The following SLC25A25 variants were observed in gnomAD, a reference collection of about 807,000 sequenced individuals.
SLC25A25 encodes solute carrier family 25 member 25.
SLC25A25 carries 32 observed loss-of-function variants against 57.7 expected under a neutral mutation model. The observed-to-expected ratio is 0.55, with a 90% CI of 0.42 to 0.74. The LOEUF is 0.74. SLC25A25 is among the 30% of genes least tolerant of loss of function. SLC25A25 has a pLI of 0.00. For synonymous variants in SLC25A25, 306 were observed against 291.2 expected (o/e 1.05, Z -0.52); for missense variants, 556 against 701.3 (o/e 0.79, Z 2.34).
At position 128,084,170 on chromosome 9, in the gene SLC25A25, T is replaced by G. The variant is rs141389228; in HGVS notation, c.261+15590T>G. Among the ~76,000 whole-genome samples the G allele has an allele frequency of 1.2e-3, 188 of 152,080 alleles. 1 individual carries two copies. Among genetic ancestry groups the G allele is most frequent in the African/African-American group, 4.4e-3 (181 of 41,456 alleles). ...TTCCAAGTAAACGCGAAAAACTAAT[T>G]CAGGCCATGATGGGAAGGGAGGGAC... On this transcript the variant is annotated intron_variant, in intron 1 of 10. Transcript: ENST00000373069.
chr9:128,100,846 T>C lies in SLC25A25; in HGVS notation c.262-250T>C, dbSNP rs2130816696. 8 of 499,864 alleles carry C rather than the reference T, an allele frequency of 1.6e-5. 1 individual carries two copies. The South Asian group carries it at 1.8e-4, about 11-fold the overall frequency. The allele number at this position is 499,864 out of a possible 1,614,324, so 31.0% of individuals were successfully genotyped here. A position where few individuals can be genotyped will look rare whatever the true frequency, so the allele number is the denominator to read the frequency against. On this transcript the variant is annotated intron_variant, in intron 1 of 10. Coordinates refer to ENST00000373069, the MANE Select transcript of SLC25A25 (RefSeq NM_001330988.2). ...GGCTCTTCCCAGGCTCCTTGTTTCC[T>C]CTCTGCTTGAGAGGGAGACAAGATT...
chr9:128,068,956 A>AC (rs931745556), intron 1 of SLC25A25, among the ~76,000 whole-genome samples: 1 of 150,792 alleles, frequency 6.6e-6, no homozygotes, highest in Non-Finnish European at 1.5e-5. Flanking sequence ...CCCCAGCAGC[A>AC]CCCCCTCCTT....
At chr9:128,100,924 C>T (rs1157537157) in intron 1 of SLC25A25, 172 bp from the exon 2 acceptor site, 38 of 831,650 alleles carry the variant, frequency 4.6e-5, no homozygotes, top group Non-Finnish European at 6.2e-5. Flanking sequence ...GTGGCTCTGG[C>T]ATGTAAGTCG....
chr9:128,098,480 G>T, intron 1 of SLC25A25: 1 of 1,534,674 alleles, frequency 6.5e-7, no homozygotes, highest in South Asian at 1.3e-5. Flanking sequence ...GGCCAGGCTT[G>T]TCTTATGCAA....
At chr9:128,070,950 C>CAAAAAAAAAAAAAAAAAAAAAAA (rs531221205) in intron 1 of SLC25A25, among the ~76,000 whole-genome samples, 1 of 57,456 alleles carries the variant, frequency 1.7e-5, no homozygotes, top group African/African-American at 5.9e-5. Flanking sequence ...AACTCCATCT[C>CAAAAAAAAAAAAAAAAAAAAAAA]AAAAAAAAAA....
intron 1 of SLC25A25, chr9:128,098,450 AAGCAGCCAATGAC>A: frequency 6.8e-7 from 1 of 1,466,594 alleles, no homozygotes; most frequent in Non-Finnish European, 9.0e-7. Context: ...GGCAGGGCTT[AAGCAGCCAATGAC>A]AGCTGAGGCC....
chr9:128,106,049 T>G (rs1361793371), intron 7 of SLC25A25, 101 bp from the exon 8 acceptor site: 3 of 1,549,346 alleles, frequency 1.9e-6, no homozygotes, highest in Non-Finnish European at 2.7e-6. Flanking sequence ...CTTACATTTC[T>G]GGGTAGCATA....
At position 128,107,498 on chromosome 9, in the gene SLC25A25, G is replaced by A; in HGVS notation, c.*54G>A. The A allele has an allele frequency of 1.3e-6, 2 of 1,493,036 alleles. No individual in the cohort carries two copies. Among genetic ancestry groups the A allele is most frequent in the Admixed American group, 2.4e-5 (1 of 42,238 alleles). The allele number at this position is 1,493,036 out of a possible 1,614,324, so 92.5% of individuals were successfully genotyped here. A position where few individuals can be genotyped will look rare whatever the true frequency, so the allele number is the denominator to read the frequency against. ...CGCTGATCCTGGGCCGCAGCCTGGG[G>A]TGTGCAGCCATCTCATTCTGTGAAT... On this transcript the variant is annotated 3_prime_UTR_variant, in exon 11 of 11. Transcript: ENST00000373069.
At chr9:128,088,506 G>A (rs1833328116) in intron 1 of SLC25A25, among the ~76,000 whole-genome samples, 1 of 152,146 alleles carries the variant, frequency 6.6e-6, no homozygotes. Flanking sequence ...TTGAACATCA[G>A]GAGGCTGCTG....
In SLC25A25 at chr9:128,108,302, G is replaced by A. The variant is rs185116755; in HGVS notation, c.*858G>A. The A allele has an allele frequency of 2.7e-4, 109 of 399,074 alleles. 1 individual carries two copies. The East Asian group carries it at 3.8e-3, about 14-fold the overall frequency. 24.7% of individuals were successfully genotyped at this position (399,074 alleles called of 1,614,324 possible). A position where few individuals can be genotyped will look rare whatever the true frequency, so the allele number is the denominator to read the frequency against. On this transcript the variant is annotated 3_prime_UTR_variant, in exon 11 of 11. Transcript: ENST00000373069. ...GGGAGGGAAGGAAAAGGTGTTGGAG[G>A]CCTTAATTATGGACTGTTGGGAAAA...
At chr9:128,072,881 T>C (rs1292539427) in intron 1 of SLC25A25, among the ~76,000 whole-genome samples, 3 of 152,186 alleles carry the variant, frequency 2.0e-5, no homozygotes, top group Non-Finnish European at 4.4e-5. Flanking sequence ...GGCAGCCAAT[T>C]AGAGGAAGAA....
intron 9 of SLC25A25, 66 bp downstream of exon 9, chr9:128,106,586 CTTGACGGACGCGTGGTTAGTGCAG>C: frequency 2.7e-6 from 4 of 1,505,252 alleles, no homozygotes; most frequent in Non-Finnish European, 3.5e-6. Flanking sequence ...TGTCTCCCTC[CTTGACGGACGCGTGGTTAGTGCAG>C]GAAACTGCAT....
In SLC25A25 at chr9:128,101,508, G is replaced by T. The variant is rs1833794428; in HGVS notation, c.476+112G>T. 8.0e-7 allele frequency: 1 copy of T among 1,253,888 alleles called. No individual in the cohort carries two copies. 77.7% of individuals were successfully genotyped at this position (1,253,888 alleles called of 1,614,324 possible). ...TGACCCTGAACTTGGCCTTCTCGTG[G>T]TTTGAAAGGATGAATAAGTAACCCC... is the stretch of plus-strand genomic sequence containing the variant. On this transcript the variant is annotated intron_variant, in intron 3 of 10. Transcript: ENST00000373069. This position sits in a 1 kb window ranked among gnomAD's most constrained non-coding sequence, Gnocchi z 4.9.
chr9:128,106,991 C>T, intron 9 of SLC25A25, 38 bp from the exon 10 acceptor site: 1 of 1,593,560 alleles, frequency 6.3e-7, no homozygotes, highest in Non-Finnish European at 8.6e-7. Flanking sequence ...CTCACTAGCC[C>T]TTCCTAGGGC....
rs1342572121 is a variant in SLC25A25 at position 128,102,334 on chromosome 9, T to C, written c.513-36T>C. ...GGGGGATGCAGCTGGCGGATGGGCATGTGGGCACGTGGGCAGCCTCGCCTC... is the reference window on the plus strand; with the variant it reads ...GGGGGATGCAGCTGGCGGATGGGCACGTGGGCACGTGGGCAGCCTCGCCTC... On this transcript the variant is annotated intron_variant, in intron 4 of 10. Coordinates refer to ENST00000373069, the MANE Select transcript of SLC25A25 (RefSeq NM_001330988.2). This position sits in a 1 kb window ranked among gnomAD's most constrained non-coding sequence, Gnocchi z 4.1. The C allele has an allele frequency of 1.9e-6, 3 of 1,575,158 alleles. No homozygotes were observed. Among genetic ancestry groups the C allele is most frequent in the Non-Finnish European group, 2.6e-6 (3 of 1,145,892 alleles).
chr9:128,072,717 T>C (rs973605062), intron 1 of SLC25A25, among the ~76,000 whole-genome samples: 6 of 152,116 alleles, frequency 3.9e-5, no homozygotes, highest in Non-Finnish European at 8.8e-5. Context: ...GAAGAGTTCA[T>C]TAAAGAAGAA....
intron 1 of SLC25A25, among the ~76,000 whole-genome samples, chr9:128,100,534 GT>G (rs1272954739): frequency 6.6e-6 from 1 of 152,180 alleles, no homozygotes. Flanking sequence ...CCGGCCTCGG[GT>G]GCTGTGGCAG....
intron 1 of SLC25A25, among the ~76,000 whole-genome samples, chr9:128,086,129 G>A (rs1456371596): frequency 6.6e-6 from 1 of 150,754 alleles, no homozygotes; most frequent in Non-Finnish European, 1.5e-5. Context: ...GGAGTATTTT[G>A]TAAATGTCAG....
At chr9:128,092,322 G>C (rs1833433469) in intron 1 of SLC25A25, among the ~76,000 whole-genome samples, 1 of 152,192 alleles carries the variant, frequency 6.6e-6, no homozygotes, top group Non-Finnish European at 1.5e-5. Flanking sequence ...AGGGAAGGAA[G>C]GTTGCAATAG....
Sources: allele counts gnomAD v4.1 joint callset (sites outside exome capture counted in the v4.1 genomes callset), GRCh38; gene constraint gnomAD v4.1.1; non-coding constraint Gnocchi (gnomAD v3.1); transcripts MANE v1.5; gene names NCBI Gene and HGNC (gene_info 2026-07-23, HGNC 2026-07-21).